The following CCDC138 variants were observed in gnomAD, a reference collection of about 807,000 sequenced individuals.
CCDC138 encodes the protein coiled-coil domain-containing protein 138.
A neutral mutation model predicts 82.3 loss-of-function variants in CCDC138; 66 were observed. That is an observed-to-expected ratio of 0.80 (90% CI 0.66 to 0.98). The LOEUF (loss-of-function observed/expected upper bound fraction) is 0.98, where lower values mean the gene tolerates loss of function less well. CCDC138 is among the 50% of genes least tolerant of loss of function. The probability of loss-of-function intolerance (pLI) is 0.00; values close to 1 mark genes in which losing one functional copy is unlikely to be tolerated. For missense variants in CCDC138, 816 were observed against 758.9 expected (o/e 1.08, Z -0.88); for synonymous variants, 297 against 265.4 (o/e 1.12, Z -1.16).
At chr2:108,797,257 C>T (rs930808909) in intron 5 of CCDC138, among the ~76,000 whole-genome samples, 1 of 151,992 alleles carries the variant, frequency 6.6e-6, no homozygotes, top group Non-Finnish European at 1.5e-5. Flanking sequence ...TATAAAGGAG[C>T]CTGAGAAGCC....
chr2:108,822,189 G>A (rs1422517241), intron 10 of CCDC138, among the ~76,000 whole-genome samples: 1 of 152,088 alleles, frequency 6.6e-6, no homozygotes, highest in South Asian at 2.1e-4. Flanking sequence ...TATACTTTAC[G>A]TCAAAAACTG....
At chr2:108,791,932 C>A in intron 4 of CCDC138, 130 bp downstream of exon 4, 1 of 923,450 alleles carries the variant, frequency 1.1e-6, no homozygotes, top group Non-Finnish European at 1.5e-6. Flanking sequence ...CTTCTGTAAG[C>A]TAGGAGATAG....
chr2:108,800,009 A>C (rs1380606370), intron 6 of CCDC138, among the ~76,000 whole-genome samples: 1 of 151,958 alleles, frequency 6.6e-6, no homozygotes, highest in Non-Finnish European at 1.5e-5. Context: ...ATTTACATCT[A>C]TATATATTTA....
intron 1 of CCDC138, among the ~76,000 whole-genome samples, chr2:108,882,038 T>G (rs2105348927): frequency 6.6e-6 from 1 of 151,488 alleles, no homozygotes; most frequent in East Asian, 2.0e-4. Flanking sequence ...CTTGTAGTCC[T>G]AGCAACTCGA....
At chr2:108,845,877 T>C (rs1690375561) in intron 11 of CCDC138, among the ~76,000 whole-genome samples, 1 of 152,254 alleles carries the variant, frequency 6.6e-6, no homozygotes, top group Non-Finnish European at 1.5e-5. Context: ...AGCCTCATTT[T>C]ATTCTTAATA....
intron 10 of CCDC138, among the ~76,000 whole-genome samples, chr2:108,821,003 A>G (rs1188643787): frequency 1.1e-5 from 1 of 94,690 alleles, no homozygotes; most frequent in African/African-American, 3.6e-5. Flanking sequence ...CATAGAATGT[A>G]ACAGACAAAA....
chr2:108,871,785 A>G (rs1199242424), intron 13 of CCDC138, among the ~76,000 whole-genome samples: 1 of 151,922 alleles, frequency 6.6e-6, no homozygotes, highest in Non-Finnish European at 1.5e-5. Flanking sequence ...CCCCGCCTCC[A>G]TTTTCTGATT....
At position 108,804,911 on chromosome 2, in the gene CCDC138, A is replaced by T. The variant is rs771844105; in HGVS notation, c.758A>T (p.His253Leu). The T allele has an allele frequency of 6.4e-7, 1 of 1,561,282 alleles. No homozygotes were observed. Among genetic ancestry groups the T allele is most frequent in the South Asian group, 1.2e-5 (1 of 81,068 alleles). ...IKEQHDAEVE[H>L]LTEVLKEKNK... is the part of the protein sequence containing the mutation. ...TAGCAGCATGATGCAGAAGTTGAACACTTAACCGAAGTTCTTAAGGAAAAG... is the reference window on the plus strand; with the variant it reads ...TAGCAGCATGATGCAGAAGTTGAACTCTTAACCGAAGTTCTTAAGGAAAAG... The change falls in exon 7 of 15, where the codon CAC becomes CTC. Residue 253 changes from histidine (H) to leucine (L), a missense_variant. His to Leu is a moderately conservative substitution (Grantham distance 99). Transcript: ENST00000295124.
At chr2:108,841,406 A>G (rs887790404) in intron 11 of CCDC138, among the ~76,000 whole-genome samples, 2 of 151,960 alleles carry the variant, frequency 1.3e-5, no homozygotes, top group East Asian at 3.9e-4. Flanking sequence ...TATAACCTTC[A>G]TCTGTTTTGC....
At chr2:108,875,853 A>G (rs1695950021) in intron 14 of CCDC138, among the ~76,000 whole-genome samples, 1 of 152,144 alleles carries the variant, frequency 6.6e-6, no homozygotes, top group African/African-American at 2.4e-5. Flanking sequence ...ATAAGACCTT[A>G]TCTCAAAAGA....
In CCDC138 at chr2:108,786,794, C is replaced by T. The variant is rs764575365; in HGVS notation, c.-29C>T. ...CCGCGGGTTTGATGAACGCGGTTCC[C>T]GGGGAGACTGGTACGGTTGCTGTGT... On this transcript the variant is annotated 5_prime_UTR_variant, in exon 1 of 15. Transcript: ENST00000295124. 5.8e-6 allele frequency: 9 copies of T among 1,563,248 alleles called. No individual in the cohort carries two copies. In the East Asian group the frequency reaches 9.3e-5, roughly 16 times the overall value.
At chr2:108,811,891 T>G (rs2149821446) in intron 7 of CCDC138, among the ~76,000 whole-genome samples, 1 of 152,314 alleles carries the variant, frequency 6.6e-6, no homozygotes, top group East Asian at 1.9e-4. Flanking sequence ...GTTTCTAAGT[T>G]ATTTCACTTA....
intron 7 of CCDC138, among the ~76,000 whole-genome samples, chr2:108,810,592 A>G (rs535576431): frequency 6.6e-6 from 1 of 152,104 alleles, no homozygotes; most frequent in Admixed American, 6.6e-5. Flanking sequence ...TTTTGCATCT[A>G]TGTTCATCAG....
rs899528993 is a variant in CCDC138, at chr2:108,804,222, A to G, written c.736-667A>G. Among the ~76,000 whole-genome samples, 33 of 152,332 alleles carry G rather than the reference A, an allele frequency of 2.2e-4. 1 individual carries two copies. Among genetic ancestry groups the G allele is most frequent in the South Asian group, 1.2e-3 (6 of 4,828 alleles). ...AAACTTGTTTTAAAGCTTTATAAGT[A>G]AGTTGAAAGTGAAAGGTGAAACTAT... On this transcript the variant is annotated intron_variant, in intron 6 of 14. Coordinates refer to ENST00000295124, the MANE Select transcript of CCDC138 (RefSeq NM_144978.3).
intron 7 of CCDC138, among the ~76,000 whole-genome samples, chr2:108,807,961 T>C (rs1175615421): frequency 6.6e-6 from 1 of 152,180 alleles, no homozygotes; most frequent in Admixed American, 6.5e-5. Flanking sequence ...CCACATTCCT[T>C]CCTTTCCACA....
chr2:108,877,622 A>G (rs928286384), downstream of CCDC138, among the ~76,000 whole-genome samples: 5 of 152,186 alleles, frequency 3.3e-5, no homozygotes, highest in Non-Finnish European at 5.9e-5. Flanking sequence ...ATGAGAGTGG[A>G]TGGCAGATAC....
chr2:108,828,522 A>G (rs1220754689), intron 10 of CCDC138, among the ~76,000 whole-genome samples: 1 of 152,244 alleles, frequency 6.6e-6, no homozygotes, highest in Non-Finnish European at 1.5e-5. Context: ...AATGGGATAG[A>G]ATGGAGAGCC....
At chr2:108,810,597 C>A (rs1301432849) in intron 7 of CCDC138, among the ~76,000 whole-genome samples, 1 of 152,130 alleles carries the variant, frequency 6.6e-6, no homozygotes, top group Non-Finnish European at 1.5e-5. Context: ...CATCTATGTT[C>A]ATCAGGAATA....
At chr2:108,867,937 T>A (rs1244522292) in intron 13 of CCDC138, among the ~76,000 whole-genome samples, 1 of 152,216 alleles carries the variant, frequency 6.6e-6, no homozygotes, top group Non-Finnish European at 1.5e-5. Flanking sequence ...AATAATTTTA[T>A]TCTGATTACC....
Sources: allele counts gnomAD v4.1 joint callset (sites outside exome capture counted in the v4.1 genomes callset), GRCh38; gene constraint gnomAD v4.1.1; transcripts MANE v1.5; gene names NCBI Gene and HGNC (gene_info 2026-07-23, HGNC 2026-07-21).